The following TBCEL variants were observed in gnomAD, a reference collection of about 807,000 sequenced individuals.
TBCEL encodes tubulin-specific chaperone cofactor E-like protein.
A neutral mutation model predicts 44.2 loss-of-function variants in TBCEL; 15 were observed. The ratio of observed to expected loss-of-function variants is 0.34; its 90% CI spans 0.23 to 0.52. TBCEL has a LOEUF of 0.52. Among genes scored for constraint, TBCEL ranks in the 20% least tolerant of loss-of-function variants. The pLI is 0.95. For missense variants in TBCEL, 319 were observed against 506.3 expected (o/e 0.63, Z 3.55); for synonymous variants, 171 against 185.4 (o/e 0.92, Z 0.63).
At chr11:121,081,787 A>T (rs1229227920) in intron 8 of TBCEL, among the ~76,000 whole-genome samples, 1 of 152,242 alleles carries the variant, frequency 6.6e-6, no homozygotes, top group Non-Finnish European at 1.5e-5. Flanking sequence ...AAAACAGATT[A>T]TCTTGAAACC....
At chr11:121,069,768 G>A (rs900595315) in intron 8 of TBCEL, among the ~76,000 whole-genome samples, 32 of 152,030 alleles carry the variant, frequency 2.1e-4, no homozygotes, top group Non-Finnish European at 2.5e-4. Flanking sequence ...CTCCAGCCTG[G>A]GCGACAAAGC....
chr11:121,036,346 A>T (rs891986482), intron 1 of TBCEL, 159 bp from the exon 2 acceptor site: 1 of 152,236 alleles, frequency 6.6e-6, no homozygotes, highest in African/African-American at 2.4e-5. Flanking sequence ...TTTGTAAAGG[A>T]GTTGGGGATG....
chr11:121,079,248 A>T (rs2135010633), intron 8 of TBCEL, among the ~76,000 whole-genome samples: 1 of 152,192 alleles, frequency 6.6e-6, no homozygotes, highest in East Asian at 1.9e-4. Flanking sequence ...GAGCTCTGTG[A>T]TGGAACTCAT....
intron 2 of TBCEL, among the ~76,000 whole-genome samples, chr11:121,041,360 C>T (rs1399874350): frequency 2.0e-5 from 3 of 152,126 alleles, no homozygotes; most frequent in African/African-American, 7.2e-5. Flanking sequence ...TATCCTCCAA[C>T]TCATATATTA....
intron 4 of TBCEL, among the ~76,000 whole-genome samples, chr11:121,049,144 C>T (rs1025532440): frequency 8.6e-5 from 13 of 151,750 alleles, no homozygotes; most frequent in Admixed American, 2.6e-4. Flanking sequence ...TTGTTGAGTG[C>T]GTTAATGATT....
At chr11:121,045,074 C>A (rs576988541) in intron 2 of TBCEL, among the ~76,000 whole-genome samples, 3 of 151,996 alleles carry the variant, frequency 2.0e-5, no homozygotes, top group Non-Finnish European at 2.9e-5. Flanking sequence ...GTTTTCTAGG[C>A]AACAGATGGA....
intron 8 of TBCEL, among the ~76,000 whole-genome samples, chr11:121,072,510 G>GTA (rs1453651623): frequency 2.6e-5 from 4 of 151,966 alleles, no homozygotes; most frequent in African/African-American, 9.7e-5. Context: ...ACTACTCTCA[G>GTA]TCCTATTTCT....
At chr11:121,079,081 C>T (rs1445601320) in intron 8 of TBCEL, among the ~76,000 whole-genome samples, 1 of 152,092 alleles carries the variant, frequency 6.6e-6, no homozygotes. Context: ...ATGACTTAAG[C>T]TCTGTTGAAA....
intron 4 of TBCEL, among the ~76,000 whole-genome samples, chr11:121,050,722 T>C (rs941970648): frequency 6.6e-6 from 1 of 151,626 alleles, no homozygotes; most frequent in Non-Finnish European, 1.5e-5. Context: ...AGATGACAGA[T>C]TGTTGTCTTA....
At chr11:121,050,106 T>C (rs1478351550) in intron 4 of TBCEL, among the ~76,000 whole-genome samples, 4 of 151,642 alleles carry the variant, frequency 2.6e-5, no homozygotes, top group African/African-American at 4.8e-5. Flanking sequence ...CCCAGTCTTC[T>C]AGAGGATATA....
chr11:121,030,871 GATT>G (rs1945130192), intron 1 of TBCEL, among the ~76,000 whole-genome samples: 1 of 127,018 alleles, frequency 7.9e-6, no homozygotes, highest in African/African-American at 3.4e-5. Context: ...ATATTCTTGT[GATT>G]TTTTTTTTTT....
intron 4 of TBCEL, 170 bp downstream of exon 4, chr11:121,047,837 C>G: frequency 1.2e-6 from 1 of 832,724 alleles, no homozygotes; most frequent in Non-Finnish European, 1.8e-6. Context: ...TAAATAAGGC[C>G]TATAATCCCA....
At chr11:121,027,297 C>A (rs1029103429) in intron 1 of TBCEL, among the ~76,000 whole-genome samples, 1 of 152,160 alleles carries the variant, frequency 6.6e-6, no homozygotes, top group African/African-American at 2.4e-5. Context: ...ACTATTCCTC[C>A]CTTTTTCATG....
chr11:121,066,541 G>GT (rs897786712), intron 8 of TBCEL, among the ~76,000 whole-genome samples: 12 of 152,192 alleles, frequency 7.9e-5, no homozygotes, highest in African/African-American at 2.9e-4. Context: ...GTTGATACAA[G>GT]TCCCCTGTGG....
chr11:121,055,796 T>G (rs1308144681), intron 6 of TBCEL, among the ~76,000 whole-genome samples: 1 of 151,768 alleles, frequency 6.6e-6, no homozygotes, highest in Admixed American at 6.6e-5. Context: ...TAAACTTTAT[T>G]TTTTAGAACA....
At chr11:121,024,492 C>T (rs1945008753) in intron 1 of TBCEL, among the ~76,000 whole-genome samples, 2 of 145,808 alleles carry the variant, frequency 1.4e-5, no homozygotes, top group African/African-American at 5.0e-5. Flanking sequence ...TGGGGCCTGC[C>T]TGGCCTGGGC....
At chr11:121,062,435 G>A (rs1945741532) in intron 8 of TBCEL, among the ~76,000 whole-genome samples, 1 of 152,146 alleles carries the variant, frequency 6.6e-6, no homozygotes. Context: ...ATACAGCAGT[G>A]TAGTAAGTTT....
At chr11:121,067,565 C>T (rs1480083693) in intron 8 of TBCEL, among the ~76,000 whole-genome samples, 1 of 152,118 alleles carries the variant, frequency 6.6e-6, no homozygotes, top group Non-Finnish European at 1.5e-5. Context: ...GAGGAAAAAT[C>T]TCTGTTTTCT....
At chr11:121,073,597 A>G (rs1229062975) in intron 8 of TBCEL, among the ~76,000 whole-genome samples, 1 of 151,714 alleles carries the variant, frequency 6.6e-6, no homozygotes, top group African/African-American at 2.4e-5. Context: ...TTTTTCTTGG[A>G]TATGACCTCC....
Sources: allele counts gnomAD v4.1 joint callset (sites outside exome capture counted in the v4.1 genomes callset), GRCh38; gene constraint gnomAD v4.1.1; transcripts MANE v1.5; gene names NCBI Gene and HGNC (gene_info 2026-07-23, HGNC 2026-07-21).